Variants in SLC30A6 observed in about 807,000 individuals in gnomAD.
SLC30A6 encodes zinc transporter 6.
Under a neutral mutation model 63.0 loss-of-function variants are expected in SLC30A6, and 55 were observed. The observed-to-expected ratio is 0.87, with a 90% CI of 0.70 to 1.09. The LOEUF (loss-of-function observed/expected upper bound fraction) is 1.09. Among genes scored for constraint, SLC30A6 ranks in the 50% least tolerant of loss-of-function variants. The pLI, the probability that SLC30A6 is intolerant of heterozygous loss-of-function variation, is 0.00. For synonymous variants in SLC30A6, 224 were observed against 186.1 expected (o/e 1.20, Z -1.66); for missense variants, 587 against 549.2 (o/e 1.07, Z -0.69).
chr2:32,174,126 T>C lies in SLC30A6; in HGVS notation c.154T>C (p.Cys52Arg). The C allele has an allele frequency of 6.2e-7, 1 of 1,613,540 alleles. No individual in the cohort carries two copies. Among genetic ancestry groups the C allele is most frequent in the Non-Finnish European group, 8.5e-7 (1 of 1,179,604 alleles). ...LICTGFLLMW[C>R]SSTNSIALTA... ...ATGTACTGGCTTCCTGCTTATGTGGTGCAGTTCTACTAATAGTATAGGTAT... is the reference window on the plus strand; with the variant it reads ...ATGTACTGGCTTCCTGCTTATGTGGCGCAGTTCTACTAATAGTATAGGTAT... Residue 52 changes from cysteine to arginine, a missense_variant, in exon 3 of 14, where the codon TGC (cysteine) becomes CGC (arginine). Transcript: ENST00000282587.
intron 10 of SLC30A6, chr2:32,203,348 C>T (rs912731285): frequency 1.1e-6 from 1 of 929,830 alleles, no homozygotes; most frequent in African/African-American, 1.6e-5. Flanking sequence ...TGTAGGTATT[C>T]CTTCTACAAT....
chr2:32,168,005 A>C (rs1402569771), intron 1 of SLC30A6, among the ~76,000 whole-genome samples: 1 of 152,224 alleles, frequency 6.6e-6, no homozygotes, highest in African/African-American at 2.4e-5. Flanking sequence ...AGAGCTTTGT[A>C]GCGTGCCTGG....
intron 5 of SLC30A6, among the ~76,000 whole-genome samples, chr2:32,191,869 A>G (rs1031124625): frequency 6.6e-6 from 1 of 152,156 alleles, no homozygotes; most frequent in African/African-American, 2.4e-5. Flanking sequence ...ATCTCTTGAA[A>G]AAAAGAAAAA....
intron 2 of SLC30A6, 43 bp downstream of exon 2, chr2:32,171,416 A>T (rs1323593250): frequency 7.0e-7 from 1 of 1,426,318 alleles, no homozygotes; most frequent in South Asian, 1.2e-5. Flanking sequence ...TGCACAAACA[A>T]CATTATAACA....
At chr2:32,206,820 C>A in intron 11 of SLC30A6, 66 bp from the exon 12 acceptor site, 1 of 1,263,782 alleles carries the variant, frequency 7.9e-7, no homozygotes, top group Non-Finnish European at 1.2e-6. Flanking sequence ...GGAGGGGGTT[C>A]AGGACCATTG....
chr2:32,214,525 C>T (rs1355373720), intron 13 of SLC30A6: 5 of 152,050 alleles, frequency 3.3e-5, no homozygotes, highest in East Asian at 1.9e-4. Flanking sequence ...TTCTCTGTAT[C>T]GTTCCAATTT....
chr2:32,194,966 C>G (rs1191496608), intron 8 of SLC30A6, among the ~76,000 whole-genome samples: 4 of 152,120 alleles, frequency 2.6e-5, no homozygotes, highest in African/African-American at 9.7e-5. Flanking sequence ...GGAAATAAGA[C>G]TACTGATAAT....
At chr2:32,202,887 G>A in intron 10 of SLC30A6, 1 of 964,550 alleles carries the variant, frequency 1.0e-6, no homozygotes, top group Non-Finnish European at 1.7e-6. Context: ...AGCTTCTGTG[G>A]AACATTTGGC....
intron 10 of SLC30A6, chr2:32,201,891 G>T: frequency 1.4e-6 from 2 of 1,469,776 alleles, no homozygotes; most frequent in South Asian, 1.2e-5. Context: ...ATGCTCCCAA[G>T]ACCAAAAAAA....
chr2:32,220,608 A>G lies in SLC30A6; in HGVS notation c.1281A>G (p.Gly427=). ...CTTACAGCAGCATGCTTAATCAAGG[A>G]CTTGGAGTTCCAGGAATTGGAGCAA... ...HTPYSSMLNQ[G]LGVPGIGATQ... is the part of the protein sequence containing the mutation. The change falls in exon 14 of 14, where the codon GGA becomes GGG. Residue 427 remains glycine, a synonymous_variant. Transcript: ENST00000282587. 6.2e-7 allele frequency: 1 copy of G among 1,614,222 alleles called. No individual in the cohort carries two copies. The highest frequency in any genetic ancestry group is 1.3e-5 in the African/African-American group (1 of 75,062).
intron 4 of SLC30A6, among the ~76,000 whole-genome samples, chr2:32,177,265 G>T (rs1274673724): frequency 1.3e-5 from 2 of 152,022 alleles, no homozygotes; most frequent in African/African-American, 4.8e-5. Flanking sequence ...CTTTATGACT[G>T]TCTTCTTAGC....
At chr2:32,166,721 G>A (rs370372142) in intron 1 of SLC30A6, among the ~76,000 whole-genome samples, 90 of 152,358 alleles carry the variant, frequency 5.9e-4, no homozygotes, top group African/African-American at 2.1e-3. Context: ...CCACATTTCT[G>A]TGCCTAAGCT....
Position 32,166,680 on chromosome 2 carries a change from A to G in SLC30A6, c.3+777A>G, listed in dbSNP as rs573421461. On this transcript the variant is annotated intron_variant, in intron 1 of 13. Coordinates refer to ENST00000282587, the MANE Select transcript of SLC30A6 (RefSeq NM_017964.5). ...CATTTATTAGAAAAATTTATGGAGT[A>G]CTTATTGATAGCCTACGTATGAGAA... Among the ~76,000 whole-genome samples, 26 of 152,340 alleles carry G rather than the reference A, an allele frequency of 1.7e-4. 1 individual carries two copies. The highest frequency in any genetic ancestry group is 6.8e-3 in the Middle Eastern group (2 of 294).
At chr2:32,170,681 C>G (rs1195945457) in intron 1 of SLC30A6, among the ~76,000 whole-genome samples, 1 of 152,220 alleles carries the variant, frequency 6.6e-6, no homozygotes, top group African/African-American at 2.4e-5. Flanking sequence ...TCACTGCAAA[C>G]TCCACCTCCC....
chr2:32,219,918 G>A (rs1390248274), intron 13 of SLC30A6, among the ~76,000 whole-genome samples: 1 of 151,776 alleles, frequency 6.6e-6, no homozygotes, highest in Admixed American at 6.6e-5. Flanking sequence ...CTACCTTTTC[G>A]GCTCTTACAT....
rs1296392298 is a variant in SLC30A6 at position 32,203,884 on chromosome 2, A to G, written c.666-706A>G. Reference sequence around the variant, plus strand: ...GGGCCGATCAGGTGGTCGATCTGGCAGCCGGTCAGTTAGACAGAGTCCACA... The same window carrying G: ...GGGCCGATCAGGTGGTCGATCTGGCGGCCGGTCAGTTAGACAGAGTCCACA... On this transcript the variant is annotated intron_variant, in intron 10 of 13. Transcript: ENST00000282587. 5 of 992,336 alleles carry G rather than the reference A, an allele frequency of 5.0e-6. No homozygotes were observed. The East Asian group carries it at 1.2e-4, about 24-fold the overall frequency. 61.5% of individuals were successfully genotyped at this position (992,336 alleles called of 1,614,324 possible). A position where few individuals can be genotyped will look rare whatever the true frequency, so the allele number is the denominator to read the frequency against.
intron 7 of SLC30A6, among the ~76,000 whole-genome samples, 194 bp downstream of exon 7, chr2:32,193,147 T>A (rs1365225366): frequency 6.6e-6 from 1 of 152,194 alleles, no homozygotes; most frequent in Non-Finnish European, 1.5e-5. Context: ...TAAATATTTT[T>A]ATACTACACA....
At chr2:32,183,357 C>A (rs1489541291) in intron 4 of SLC30A6, among the ~76,000 whole-genome samples, 1 of 151,934 alleles carries the variant, frequency 6.6e-6, no homozygotes, top group Non-Finnish European at 1.5e-5. Context: ...TTGATGTCTT[C>A]AAGATCCATG....
At chr2:32,188,064 T>A (rs143038255) in intron 5 of SLC30A6, among the ~76,000 whole-genome samples, 1 of 152,342 alleles carries the variant, frequency 6.6e-6, no homozygotes, top group African/African-American at 2.4e-5. Context: ...AGCCCTTATA[T>A]GATCAGGACC....
Sources: gnomAD v4.1 joint callset for allele counts (sites outside exome capture counted in the v4.1 genomes callset) on GRCh38, gnomAD v4.1.1 for gene constraint, MANE v1.5 for transcripts, NCBI Gene and HGNC (gene_info 2026-07-23, HGNC 2026-07-21) for gene names.